EXTL2: variants seen among roughly 807,000 people sequenced by gnomAD.
The protein encoded by EXTL2 is exostosin-like 2.
In EXTL2, 23 loss-of-function variants were observed where a neutral mutation model predicts 30.7. That is an observed-to-expected ratio of 0.75 (90% confidence interval 0.54 to 1.06). The LOEUF (loss-of-function observed/expected upper bound fraction) is 1.06, where lower values mean the gene tolerates loss of function less well. Ranked by LOEUF, EXTL2 falls within the 50% of genes least tolerant of loss-of-function variation. The pLI, the probability that EXTL2 is intolerant of heterozygous loss-of-function variation, is 0.00. For synonymous variants in EXTL2, 123 were observed against 133.8 expected, an observed-to-expected ratio of 0.92 and a Z score of 0.56; for missense variants, 352 against 396.3, an observed-to-expected ratio of 0.89 and a Z score of 0.95.
At chr1:100,878,013 A>C (rs1192867774) in intron 2 of EXTL2, 110 bp from the exon 3 acceptor site, 12 of 847,020 alleles carry the variant, frequency 1.4e-5, no homozygotes, top group Non-Finnish European at 2.0e-5. Flanking sequence ...AGTTGATTCA[A>C]ATTCAGTTCT....
At chr1:100,888,204 A>G (rs1040553788) in intron 2 of EXTL2, 9 of 152,292 alleles carry the variant, frequency 5.9e-5, no homozygotes. Flanking sequence ...CCAACTCTAT[A>G]GGAGATAATT....
At chr1:100,893,464 C>A (rs186167916) in intron 1 of EXTL2, among the ~76,000 whole-genome samples, 2 of 152,290 alleles carry the variant, frequency 1.3e-5, no homozygotes, top group Admixed American at 1.3e-4. Flanking sequence ...GTCACAACCC[C>A]CCCCTTTCTT....
chr1:100,882,358 C>A (rs866473366), intron 2 of EXTL2, among the ~76,000 whole-genome samples: 8 of 152,228 alleles, frequency 5.3e-5, no homozygotes, highest in African/African-American at 1.2e-4. Context: ...AAAGAATTAT[C>A]TGACCTAACA....
chr1:100,894,936 A>G (rs1325268938), upstream of EXTL2: 3 of 152,170 alleles, frequency 2.0e-5, no homozygotes, highest in Admixed American at 2.0e-4. Flanking sequence ...CCACCTCCGA[A>G]AGCCAATCCT....
chr1:100,893,459 A>ACC (rs1557964453), intron 1 of EXTL2, among the ~76,000 whole-genome samples: 1 of 152,150 alleles, frequency 6.6e-6, no homozygotes, highest in African/African-American at 2.4e-5. Context: ...TGCCTGTCAC[A>ACC]ACCCCCCCCT....
At chr1:100,880,901 G>C in intron 2 of EXTL2, 1 of 905,072 alleles carries the variant, frequency 1.1e-6, no homozygotes, top group South Asian at 5.1e-5. Flanking sequence ...AAAGTAATAA[G>C]ATTAATTACT....
At chr1:100,876,184 C>T (rs1014626154) in intron 4 of EXTL2, among the ~76,000 whole-genome samples, 55 of 152,132 alleles carry the variant, frequency 3.6e-4, no homozygotes, top group African/African-American at 1.1e-3. Flanking sequence ...AATGGCAGTG[C>T]AACTTGTAAA....
intron 4 of EXTL2, among the ~76,000 whole-genome samples, chr1:100,874,863 G>A (rs1437188947): frequency 1.3e-5 from 2 of 151,980 alleles, no homozygotes; most frequent in Non-Finnish European, 2.9e-5. Flanking sequence ...ACCTACATGT[G>A]TGATTGTCTC....
At chr1:100,893,641 C>T (rs1408882725) in intron 1 of EXTL2, among the ~76,000 whole-genome samples, 2 of 152,194 alleles carry the variant, frequency 1.3e-5, no homozygotes, top group African/African-American at 4.8e-5. Context: ...GATAGGTTAA[C>T]ATATATGGGA....
At chr1:100,878,985 C>CT (rs1649352815) in intron 2 of EXTL2, among the ~76,000 whole-genome samples, 1 of 152,050 alleles carries the variant, frequency 6.6e-6, no homozygotes, top group South Asian at 2.1e-4. Flanking sequence ...CTTATTGTAC[C>CT]TAAAGGGTCT....
chr1:100,894,612 C>T (rs1650729697), intron 1 of EXTL2, 21 bp downstream of exon 1: 2 of 152,186 alleles, frequency 1.3e-5, no homozygotes, highest in Non-Finnish European at 2.9e-5. Flanking sequence ...AATACTGGAG[C>T]ATTTTGCTGT....
At chr1:100,886,941 C>T (rs1263265684) in intron 2 of EXTL2, among the ~76,000 whole-genome samples, 1 of 152,132 alleles carries the variant, frequency 6.6e-6, no homozygotes, top group Non-Finnish European at 1.5e-5. Flanking sequence ...GTGAGAGAGG[C>T]CTTATTCCTA....
chr1:100,889,077 T>C (rs1650200916), intron 1 of EXTL2, among the ~76,000 whole-genome samples: 1 of 152,244 alleles, frequency 6.6e-6, no homozygotes, highest in African/African-American at 2.4e-5. Flanking sequence ...TTAGTCTGTT[T>C]TCACACTGCT....
intron 1 of EXTL2, among the ~76,000 whole-genome samples, chr1:100,893,696 C>T (rs891205979): frequency 4.6e-5 from 7 of 152,204 alleles, no homozygotes; most frequent in South Asian, 2.1e-4. Context: ...CACAGCCTGA[C>T]GTTTTTCACT....
At chr1:100,883,816 T>C (rs949843147) in intron 2 of EXTL2, among the ~76,000 whole-genome samples, 3 of 152,178 alleles carry the variant, frequency 2.0e-5, no homozygotes, top group Admixed American at 6.5e-5. Flanking sequence ...ATCTGAGAAC[T>C]GAAGTAGCTT....
At chr1:100,886,737 C>CT (rs1381126160) in intron 2 of EXTL2, among the ~76,000 whole-genome samples, 1 of 152,230 alleles carries the variant, frequency 6.6e-6, no homozygotes, top group Non-Finnish European at 1.5e-5. Flanking sequence ...ATCCAGCTAT[C>CT]TGCTCCTGAG....
chr1:100,893,614 T>G (rs560475387), intron 1 of EXTL2, among the ~76,000 whole-genome samples: 1 of 152,286 alleles, frequency 6.6e-6, no homozygotes, highest in East Asian at 1.9e-4. Flanking sequence ...AAGAAACAAA[T>G]TTGATATGAC....
chr1:100,883,515 T>A (rs1487799122), intron 2 of EXTL2, among the ~76,000 whole-genome samples: 1 of 152,200 alleles, frequency 6.6e-6, no homozygotes, highest in East Asian at 1.9e-4. Context: ...TATCTGGCTT[T>A]TTTCACTTAG....
rs1377722558 is a variant in EXTL2, at chr1:100,894,677, T to C, written c.-116A>G. On this transcript the variant is annotated 5_prime_UTR_variant, in exon 1 of 5. Transcript: ENST00000370114. ...AGTAGGGCCAGCCGATTTATTTCCC[T>C]GCAGCTTAGTTATCATAAAACGGAA... 3.9e-5 allele frequency: 6 copies of C among 152,224 alleles called. No homozygotes were observed. The highest frequency in any genetic ancestry group is 8.8e-5 in the Non-Finnish European group (6 of 68,042). The allele number at this position is 152,224 out of a possible 1,614,324, so 9.4% of individuals were successfully genotyped here. A position where few individuals can be genotyped will look rare whatever the true frequency, so the allele number is the denominator to read the frequency against.
Sources: gnomAD v4.1 joint callset for allele counts (sites outside exome capture counted in the v4.1 genomes callset) on GRCh38, gnomAD v4.1.1 for gene constraint, MANE v1.5 for transcripts, NCBI Gene and HGNC (gene_info 2026-07-23, HGNC 2026-07-21) for gene names.